ZC3H12B: variants seen among roughly 807,000 people sequenced by gnomAD.
The protein encoded by ZC3H12B is zinc finger CCCH-type containing 12B, also known as probable ribonuclease ZC3H12B.
ZC3H12B carries 7 observed loss-of-function variants against 43.9 expected under a neutral mutation model. The ratio of observed to expected loss-of-function variants is 0.16; its 90% CI spans 0.09 to 0.30. The LOEUF (loss-of-function observed/expected upper bound fraction) is 0.30. Among genes scored for constraint, ZC3H12B ranks in the 10% least tolerant of loss-of-function variants. ZC3H12B has a pLI of 1.00. For synonymous variants in ZC3H12B, 222 were observed against 241.7 expected, an observed-to-expected ratio of 0.92 and a Z score of 0.76; for missense variants, 475 against 670.2, an observed-to-expected ratio of 0.71 and a Z score of 3.22.
At chrX:65,230,771 G>C in the ZC3H12B span, among the ~76,000 whole-genome samples, 12 of 111,055 alleles carry the variant, frequency 1.1e-4, no homozygotes, top group African/African-American at 3.3e-5. Flanking sequence ...CTTTATTATA[G>C]GAAAATGCTT....
intron 2 of ZC3H12B, among the ~76,000 whole-genome samples, chrX:65,377,235 A>G (rs1392179333): frequency 9.1e-6 from 1 of 109,589 alleles, no homozygotes; most frequent in Non-Finnish European, 1.9e-5. Context: ...AAAAAAAAAG[A>G]ATAAAAAACA....
the ZC3H12B span, among the ~76,000 whole-genome samples, chrX:65,267,566 T>C: frequency 0.083 from 9,215 of 110,890 alleles, 1,032 homozygotes; most frequent in African/African-American, 0.29. Context: ...AAAAATTAAA[T>C]CATCTGTGCT....
At chrX:65,412,295 T>A (rs1602400174) in intron 3 of ZC3H12B, among the ~76,000 whole-genome samples, 1 of 112,160 alleles carries the variant, frequency 8.9e-6, no homozygotes, top group East Asian at 2.8e-4. Flanking sequence ...AAGATTCTTT[T>A]GAAATATAGC....
chrX:65,057,981 C>T, the ZC3H12B span, among the ~76,000 whole-genome samples: 2 of 111,578 alleles, frequency 1.8e-5, no homozygotes, highest in South Asian at 3.8e-4. Context: ...GTTAGCCATT[C>T]GTCCAATATT....
chrX:65,328,504 A>G, the ZC3H12B span: 1 of 232,783 alleles, frequency 4.3e-6, no homozygotes, highest in Admixed American at 5.1e-5. Flanking sequence ...CTCTGTTCAT[A>G]AATGTTTCCT....
chrX:65,036,948 A>G, the ZC3H12B span, among the ~76,000 whole-genome samples: 1 of 110,004 alleles, frequency 9.1e-6, no homozygotes, highest in African/African-American at 3.3e-5. Flanking sequence ...TATTTTGCAA[A>G]TGCTATCAAA....
chrX:65,201,081 T>C, the ZC3H12B span, among the ~76,000 whole-genome samples: 1 of 112,048 alleles, frequency 8.9e-6, no homozygotes, highest in Non-Finnish European at 1.9e-5. Context: ...AGTCCCTTTG[T>C]TTCAATTTTT....
At chrX:65,072,964 C>A in the ZC3H12B span, among the ~76,000 whole-genome samples, 2 of 112,612 alleles carry the variant, frequency 1.8e-5, no homozygotes, top group Non-Finnish European at 3.8e-5. Context: ...GCCCCCTTTG[C>A]ACATTCACAC....
intron 1 of ZC3H12B, 125 bp downstream of exon 6, chrX:65,489,534 G>A: frequency 1.2e-6 from 1 of 841,577 alleles, no homozygotes; most frequent in South Asian, 3.0e-5. Flanking sequence ...TTCTGAAGGT[G>A]GCCAGAGACT....
At position 65,392,542 on chromosome X, in the gene ZC3H12B, C is replaced by A. The variant is rs752583643; in HGVS notation, n.296-6051C>A. Among the ~76,000 whole-genome samples, 427 of 111,605 alleles carry A rather than the reference C, an allele frequency of 3.8e-3. 2 individuals carry two copies. The highest frequency in any genetic ancestry group is 0.014 in the African/African-American group (417 of 30,750). ...CGCCCCCGCCCGGTAGCCACCCCGT[C>A]TGGGAGGTGGGGGTCACCCCCGCTT... On this transcript the variant is annotated intron_variant and non_coding_transcript_variant, in intron 2 of 5. Coordinates refer to the ZC3H12B transcript ENST00000617377.
chrX:65,472,705 T>C (rs2067933512), intron 3 of ZC3H12B, among the ~76,000 whole-genome samples: 1 of 105,160 alleles, frequency 9.5e-6, no homozygotes, highest in Admixed American at 1.1e-4. Context: ...ATTCTTGGCA[T>C]TTTTGTAGAA....
the ZC3H12B span, among the ~76,000 whole-genome samples, chrX:65,355,711 G>A: frequency 8.9e-6 from 1 of 111,762 alleles, no homozygotes; most frequent in Non-Finnish European, 1.9e-5. Flanking sequence ...GGTGGAACAT[G>A]CCTGTAATTC....
intron 3 of ZC3H12B, among the ~76,000 whole-genome samples, chrX:65,448,076 CA>C (rs1441003039): frequency 1.8e-5 from 2 of 109,057 alleles, no homozygotes; most frequent in African/African-American, 3.3e-5. Context: ...ACTAAAAATA[CA>C]AAAAAAAATT....
rs781370409 is a variant in ZC3H12B at position 65,471,445 on chromosome X, ATT to A, written n.408-17179_408-17178del. Among the ~76,000 whole-genome samples, 554 of 61,041 alleles carry A rather than the reference ATT, an allele frequency of 9.1e-3. 4 individuals carry two copies. The highest frequency in any genetic ancestry group is 0.036 in the African/African-American group (490 of 13,520). 53.0% of individuals were successfully genotyped at this position (61,041 alleles called of 115,157 possible). On this transcript the variant is annotated intron_variant and non_coding_transcript_variant, in intron 3 of 5. Transcript: ENST00000617377. ...TGAAACAGTAGATATTTGGTTTGTG[ATT>A]TTTTTTTTTTTTTTTTTTTTTGAGA...
the ZC3H12B span, among the ~76,000 whole-genome samples, chrX:65,243,803 G>GTTT: frequency 9.0e-6 from 1 of 110,644 alleles, no homozygotes; most frequent in Non-Finnish European, 1.9e-5. Context: ...ATATAATGAA[G>GTTT]TTTTTTTTTA....
the ZC3H12B span, among the ~76,000 whole-genome samples, chrX:65,321,819 C>T: frequency 9.0e-6 from 1 of 110,933 alleles, no homozygotes. Context: ...CATGTTCTCA[C>T]TTTTAAGTGG....
intron 3 of ZC3H12B, among the ~76,000 whole-genome samples, chrX:65,407,494 C>T (rs1264917110): frequency 8.9e-6 from 1 of 112,963 alleles, no homozygotes; most frequent in African/African-American, 3.2e-5. Context: ...CGGGACCCTG[C>T]GAGCACCCGG....
At chrX:65,170,475 T>C in the ZC3H12B span, among the ~76,000 whole-genome samples, 1 of 111,845 alleles carries the variant, frequency 8.9e-6, no homozygotes, top group African/African-American at 3.2e-5. Flanking sequence ...CATTTTTCCC[T>C]TCTTTTCAAC....
At chrX:65,152,931 T>C in the ZC3H12B span, among the ~76,000 whole-genome samples, 1 of 111,510 alleles carries the variant, frequency 9.0e-6, no homozygotes, top group South Asian at 3.7e-4. Flanking sequence ...TAATGCCACA[T>C]ATCTACAACT....
Sources: allele counts gnomAD v4.1 joint callset (sites outside exome capture counted in the v4.1 genomes callset), GRCh38; gene constraint gnomAD v4.1.1; transcripts MANE v1.5; gene names NCBI Gene and HGNC (gene_info 2026-07-23, HGNC 2026-07-21).